Variants in CCSER1 observed in about 807,000 individuals in gnomAD.
CCSER1 encodes the protein coiled-coil serine rich protein 1.
CCSER1 carries 41 observed loss-of-function variants against 82.0 expected under a neutral mutation model. The ratio of observed to expected loss-of-function variants is 0.50; its 90% confidence interval spans 0.39 to 0.65. CCSER1 has a LOEUF of 0.65. CCSER1 is among the 30% of genes least tolerant of loss of function. The probability of loss-of-function intolerance (pLI) is 0.00; values close to 1 mark genes in which losing one functional copy is unlikely to be tolerated. For missense variants in CCSER1, 1,119 were observed against 1,064.2 expected, an observed-to-expected ratio of 1.05 and a Z score of -0.72; for synonymous variants, 414 against 383.9, an observed-to-expected ratio of 1.08 and a Z score of -0.92.
intron 10 of CCSER1, among the ~76,000 whole-genome samples, chr4:91,172,816 A>G (rs1244194001): frequency 8.3e-6 from 1 of 119,896 alleles, no homozygotes; most frequent in Non-Finnish European, 1.8e-5. Flanking sequence ...AACATAATAA[A>G]TAAACTGTGT....
At chr4:91,146,450 TCCA>T (rs1010461356) in intron 10 of CCSER1, among the ~76,000 whole-genome samples, 10 of 152,322 alleles carry the variant, frequency 6.6e-5, no homozygotes, top group African/African-American at 2.4e-4. Flanking sequence ...CTGGTTAGGA[TCCA>T]CCAGGGAGCT....
intron 10 of CCSER1, among the ~76,000 whole-genome samples, chr4:91,200,745 A>G (rs201260406): frequency 2.0e-5 from 3 of 152,060 alleles, no homozygotes; most frequent in East Asian, 3.9e-4. Context: ...ACAGACTCCA[A>G]TGCCAAATAA....
intron 6 of CCSER1, among the ~76,000 whole-genome samples, chr4:90,695,081 T>C (rs1376712378): frequency 6.7e-6 from 1 of 148,962 alleles, no homozygotes; most frequent in Admixed American, 6.8e-5. Flanking sequence ...TATATGTATA[T>C]ATATTTGCCA....
intron 10 of CCSER1, among the ~76,000 whole-genome samples, chr4:91,481,513 T>G (rs557911713): frequency 3.7e-4 from 57 of 152,238 alleles, no homozygotes; most frequent in African/African-American, 1.3e-3. Context: ...TATCTCCAAA[T>G]ACTGTCACAT....
chr4:90,446,425 C>T (rs533277051), intron 4 of CCSER1, among the ~76,000 whole-genome samples: 183 of 152,182 alleles, frequency 1.2e-3, no homozygotes, highest in African/African-American at 4.2e-3. Context: ...AACTATGTCT[C>T]GTAACCTGAG....
At chr4:90,849,790 TAAAAA>T (rs750879193) in intron 8 of CCSER1, among the ~76,000 whole-genome samples, 1 of 76,980 alleles carries the variant, frequency 1.3e-5, no homozygotes, top group East Asian at 4.0e-4. Flanking sequence ...CTCCATCTCA[TAAAAA>T]AAAAAAAAAA....
chr4:90,852,827 T>A (rs1016418091), intron 8 of CCSER1, among the ~76,000 whole-genome samples: 4 of 152,184 alleles, frequency 2.6e-5, no homozygotes, highest in African/African-American at 9.6e-5. Flanking sequence ...TTCAGAAACA[T>A]ATAAAAGTTT....
chr4:90,446,318 G>C (rs1046076850), intron 4 of CCSER1, among the ~76,000 whole-genome samples: 4 of 152,112 alleles, frequency 2.6e-5, no homozygotes, highest in Admixed American at 2.0e-4. Flanking sequence ...TTTCTTAAAA[G>C]TGAGGATGGA....
intron 10 of CCSER1, among the ~76,000 whole-genome samples, chr4:91,093,790 G>T (rs1011928387): frequency 1.3e-5 from 2 of 152,146 alleles, no homozygotes; most frequent in Non-Finnish European, 2.9e-5. Context: ...ACTTGCAAAA[G>T]TCTTGCTGTT....
At chr4:90,335,785 G>A (rs1740280458) in intron 3 of CCSER1, among the ~76,000 whole-genome samples, 1 of 152,114 alleles carries the variant, frequency 6.6e-6, no homozygotes, top group African/African-American at 2.4e-5. Context: ...TGTAACTTGT[G>A]TATTGTTCTC....
intron 1 of CCSER1, among the ~76,000 whole-genome samples, chr4:90,283,960 C>G (rs1285329784): frequency 6.6e-6 from 1 of 151,962 alleles, no homozygotes; most frequent in Non-Finnish European, 1.5e-5. Context: ...TAAGGGTTCC[C>G]CTTTCTCCAC....
intron 10 of CCSER1, among the ~76,000 whole-genome samples, chr4:91,490,868 C>G (rs1293316168): frequency 3.7e-5 from 2 of 53,370 alleles, no homozygotes; most frequent in Admixed American, 4.9e-4. Context: ...ATATCTCAGG[C>G]ACTCCATATA....
intron 8 of CCSER1, among the ~76,000 whole-genome samples, chr4:90,873,133 C>A (rs964631153): frequency 1.3e-5 from 2 of 151,890 alleles, no homozygotes; most frequent in African/African-American, 4.8e-5. Context: ...TTCAAAAGTT[C>A]TTTGTTATTA....
chr4:90,974,311 TAC>T (rs1735399610), intron 9 of CCSER1, among the ~76,000 whole-genome samples: 1 of 147,530 alleles, frequency 6.8e-6, no homozygotes, highest in African/African-American at 2.6e-5. Context: ...TTACATTGTA[TAC>T]ATATCTCAAA....
At chr4:90,965,584 C>T (rs936735098) in intron 9 of CCSER1, among the ~76,000 whole-genome samples, 2 of 151,940 alleles carry the variant, frequency 1.3e-5, no homozygotes, top group Non-Finnish European at 2.9e-5. Context: ...TATTGTAATC[C>T]ACCAGGGACT....
chr4:90,128,868 A>G (rs1722332094), intron 1 of CCSER1, among the ~76,000 whole-genome samples: 1 of 152,054 alleles, frequency 6.6e-6, no homozygotes, highest in South Asian at 2.1e-4. Flanking sequence ...CAGAATTAGA[A>G]GCAATTATGC....
chr4:91,062,716 CTT>C (rs1268152589), intron 9 of CCSER1, among the ~76,000 whole-genome samples: 4 of 152,044 alleles, frequency 2.6e-5, no homozygotes, highest in Admixed American at 2.0e-4. Flanking sequence ...GAAGAGCAAA[CTT>C]AAATTATTCT....
At chr4:90,794,232 T>G (rs975155870) in intron 7 of CCSER1, among the ~76,000 whole-genome samples, 2 of 152,240 alleles carry the variant, frequency 1.3e-5, no homozygotes, top group African/African-American at 4.8e-5. Flanking sequence ...AATGAAATAT[T>G]TGCCCATGCC....
chr4:91,597,534 A>G (rs1415511093), intron 10 of CCSER1, among the ~76,000 whole-genome samples: 1 of 152,092 alleles, frequency 6.6e-6, no homozygotes, highest in East Asian at 1.9e-4. Context: ...GAGAAGGGAA[A>G]TTCTTGGGGA....
Sources: gnomAD v4.1 joint callset for allele counts (sites outside exome capture counted in the v4.1 genomes callset) on GRCh38, gnomAD v4.1.1 for gene constraint, MANE v1.5 for transcripts, NCBI Gene and HGNC (gene_info 2026-07-23, HGNC 2026-07-21) for gene names.